The following ZCCHC2 variants were observed in gnomAD, a reference collection of about 807,000 sequenced individuals.
The protein encoded by ZCCHC2 is zinc finger CCHC-type containing 2.
ZCCHC2 carries 39 observed loss-of-function variants against 103.6 expected under a neutral mutation model. The ratio of observed to expected loss-of-function variants is 0.38; its 90% CI spans 0.29 to 0.49. ZCCHC2 has a LOEUF of 0.49. Among genes scored for constraint, ZCCHC2 ranks in the 20% least tolerant of loss-of-function variants. The pLI, the probability that ZCCHC2 is intolerant of heterozygous loss-of-function variation, is 0.96. For synonymous variants in ZCCHC2, 687 were observed against 608.9 expected (o/e 1.13, Z -1.89); for missense variants, 1,483 against 1,491.0 (o/e 0.99, Z 0.09).
At chr18:62,552,184 G>T (rs1448350742) in intron 5 of ZCCHC2, 1 of 152,274 alleles carries the variant, frequency 6.6e-6, no homozygotes, top group Non-Finnish European at 1.5e-5. Context: ...AGCTGTGGAT[G>T]AGCTGCTCAG....
At chr18:62,549,510 T>A (rs187896331) in intron 4 of ZCCHC2, among the ~76,000 whole-genome samples, 1 of 152,374 alleles carries the variant, frequency 6.6e-6, no homozygotes, top group Non-Finnish European at 1.5e-5. Flanking sequence ...ATTTTTGTAT[T>A]CCTGTGGCTT....
chr18:62,529,826 A>G (rs1914605413), intron 1 of ZCCHC2, among the ~76,000 whole-genome samples: 1 of 152,190 alleles, frequency 6.6e-6, no homozygotes, highest in Non-Finnish European at 1.5e-5. Context: ...ATACATACCC[A>G]TGGTTTCTAC....
At position 62,574,410 on chromosome 18, in the gene ZCCHC2, G is replaced by A; in HGVS notation, c.2329G>A (p.Ala777Thr). 1 of 1,614,044 alleles carries A rather than the reference G, an allele frequency of 6.2e-7. No homozygotes were observed. Among genetic ancestry groups the A allele is most frequent in the South Asian group, 1.1e-5 (1 of 91,082 alleles). ...CCCTGTTGGAATACTAGGGCCAACA[G>A]CTTGCACTGGAGAATCGGAAAAGCA... ...STPVGILGPT[A>T]CTGESEKHLE... Residue 777 changes from alanine (A) to threonine (T), a missense_variant, in exon 13 of 14, where the codon GCT becomes ACT. Around this residue, in one of 3 missense-constraint regions of ZCCHC2, gnomAD observed 884 missense variants for 907.5 expected, o/e 0.97. Transcript: ENST00000269499.
intron 5 of ZCCHC2, chr18:62,552,171 C>T (rs571804586): frequency 3.9e-5 from 6 of 152,220 alleles, no homozygotes; most frequent in African/African-American, 1.2e-4. Flanking sequence ...CAGGAGCCCC[C>T]CAAGCTGTGG....
chr18:62,586,142 G>A (rs1917166301), exon 15 of ZCCHC2: 1 of 151,150 alleles, frequency 6.6e-6, no homozygotes, highest in Non-Finnish European at 1.5e-5. Flanking sequence ...TGAATCGTTG[G>A]TAAATTGGTG....
At chr18:62,572,770 G>A (rs555535553) in intron 12 of ZCCHC2, among the ~76,000 whole-genome samples, 66 of 152,262 alleles carry the variant, frequency 4.3e-4, no homozygotes, top group African/African-American at 1.5e-3. Flanking sequence ...GAAATTTAAC[G>A]CACTTCTTCC....
At position 62,523,549 on chromosome 18, in the gene ZCCHC2, G is replaced by GT; in HGVS notation, c.125_126insT (p.Pro45AlafsTer276). 4 of 832,312 alleles carry GT rather than the reference G, an allele frequency of 4.8e-6. No homozygotes were observed. Among genetic ancestry groups the GT allele is most frequent in the Non-Finnish European group, 5.5e-6 (4 of 726,942 alleles). The allele number at this position is 832,312 out of a possible 1,614,324, so 51.6% of individuals were successfully genotyped here. ...CCTTCGCGCCGCCGCCGCGACTGCC[G>GT]CCCCCCGCCGCCGCCGCCGCCGCCC... is the stretch of plus-strand genomic sequence containing the variant. On this transcript the variant is annotated frameshift_variant, in exon 1 of 14. Coordinates refer to ENST00000269499, the MANE Select transcript of ZCCHC2 (RefSeq NM_017742.6). LOFTEE classifies it high-confidence loss of function.
rs185051858 is a variant in ZCCHC2, at chr18:62,523,835, G to A, written c.411G>A (p.Leu137=). The A allele has an allele frequency of 2.4e-4, 370 of 1,544,864 alleles. 3 individuals carry two copies. In the African/African-American group the frequency reaches 4.4e-3, roughly 18 times the overall value. ...TCCTTGGCTCGTGCCTGGAGGACCT[G>A]GCGCGCAAGGACTACCACTACCTGC... ...LRFLGSCLED[L]ARKDYHYLRD... is the part of the protein sequence containing the mutation. Residue 137 remains leucine (L), a synonymous_variant, in exon 1 of 14, where the codon CTG becomes CTA. Coordinates refer to ENST00000269499, the MANE Select transcript of ZCCHC2 (RefSeq NM_017742.6).
intron 13 of ZCCHC2, among the ~76,000 whole-genome samples, chr18:62,576,170 T>G (rs4085472): frequency 6.6e-6 from 1 of 152,156 alleles, no homozygotes; most frequent in South Asian, 2.1e-4. Flanking sequence ...TACCTATGTT[T>G]GAGTAAGATA....
At chr18:62,579,046 G>T (rs1316471737), downstream of ZCCHC2, among the ~76,000 whole-genome samples, 1 of 152,168 alleles carries the variant, frequency 6.6e-6, no homozygotes, top group Non-Finnish European at 1.5e-5. Context: ...GGGATTACAG[G>T]CATGAGCCTC....
In ZCCHC2 at chr18:62,574,665, G is replaced by C; in HGVS notation, c.2584G>C (p.Val862Leu). Residue 862 changes from valine (V) to leucine (L), a missense_variant, in exon 13 of 14, where the codon GTT becomes CTT. By Grantham distance (32) the Val-to-Leu change is conservative. Coordinates refer to ENST00000269499, the MANE Select transcript of ZCCHC2 (RefSeq NM_017742.6). The part of the protein sequence containing the change: ...HNPGSFPGSP[V>L]ATTDPITKSA... ...CCCAGGTAGTTTCCCAGGCTCTCCT[G>C]TTGCTACCACGGACCCCATCACAAA... is the stretch of plus-strand genomic sequence containing the variant. 6.2e-7 allele frequency: 1 copy of C among 1,613,936 alleles called. No individual in the cohort carries two copies. Among genetic ancestry groups the C allele is most frequent in the Non-Finnish European group, 8.5e-7 (1 of 1,179,882 alleles).
chr18:62,525,344 G>GGGA (rs10693684), intron 1 of ZCCHC2: 123,491 of 151,892 alleles, frequency 0.81, 50,895 homozygotes, highest in African/African-American at 0.95. Flanking sequence ...TGGGAAGGTG[G>GGGA]GGAGTAGGTT....
chr18:62,547,393 T>C (rs1258682504), intron 4 of ZCCHC2, among the ~76,000 whole-genome samples: 1 of 151,960 alleles, frequency 6.6e-6, no homozygotes, highest in Non-Finnish European at 1.5e-5. Flanking sequence ...CGAACACCCT[T>C]TTTCTTCTGT....
In ZCCHC2 at chr18:62,575,488, G is replaced by T; in HGVS notation, c.3407G>T (p.Cys1136Phe). ...KKNGNVSCYN[C>F]GVSGHYAQDC... ...AATGGGAATGTCTCATGTTACAATTGTGGTGTAAGCGGACACTATGCACAG... is the reference window on the plus strand; with the variant it reads ...AATGGGAATGTCTCATGTTACAATTTTGGTGTAAGCGGACACTATGCACAG... The change falls in exon 13 of 14, where the codon TGT (cysteine) becomes TTT (phenylalanine). Residue 1136 changes from cysteine (C) to phenylalanine (F), a missense_variant. Cys to Phe is a radical substitution (Grantham distance 205). This residue lies in a region of ZCCHC2 where 884 missense variants were observed against 907.5 expected (regional missense o/e 0.97). Transcript: ENST00000269499. The T allele has an allele frequency of 6.2e-7, 1 of 1,614,044 alleles. No homozygotes were observed. The highest frequency in any genetic ancestry group is 1.1e-5 in the South Asian group (1 of 91,084).
chr18:62,566,146 A>G (rs1057428909), intron 11 of ZCCHC2, among the ~76,000 whole-genome samples: 2 of 152,120 alleles, frequency 1.3e-5, no homozygotes, highest in Non-Finnish European at 2.9e-5. Context: ...TCGGGAGGCT[A>G]AGGCAGGAGA....
chr18:62,554,657 C>T (rs1046295255), intron 5 of ZCCHC2, among the ~76,000 whole-genome samples: 1 of 152,172 alleles, frequency 6.6e-6, no homozygotes, highest in Non-Finnish European at 1.5e-5. Context: ...TTGCCTGGGA[C>T]TCAGGCCTTG....
chr18:62,569,312 C>CT (rs570522704), intron 11 of ZCCHC2, among the ~76,000 whole-genome samples: 461 of 152,252 alleles, frequency 3.0e-3, no homozygotes, highest in Non-Finnish European at 4.9e-3. Flanking sequence ...TACCCATTAT[C>CT]TTTTACTGGT....
chr18:62,578,681 G>T (rs1218203723), downstream of ZCCHC2: 1 of 152,154 alleles, frequency 6.6e-6, no homozygotes, highest in African/African-American at 2.4e-5. Context: ...ATTATTTTGG[G>T]GTTAAGGATC....
Position 62,523,390 on chromosome 18 carries a change from C to T in ZCCHC2, c.-35C>T. On this transcript the variant is annotated 5_prime_UTR_variant, in exon 1 of 14. Coordinates refer to ENST00000269499, the MANE Select transcript of ZCCHC2 (RefSeq NM_017742.6). ...TCCACCTCGCGGCCCCTCCCGCCCGCCCCCGCTCGCATGTCTGCGCCGCCC... is the reference window on the plus strand; with the variant it reads ...TCCACCTCGCGGCCCCTCCCGCCCGTCCCCGCTCGCATGTCTGCGCCGCCC... The T allele has an allele frequency of 3.9e-6, 4 of 1,025,632 alleles. No homozygotes were observed. Among genetic ancestry groups the T allele is most frequent in the Non-Finnish European group, 4.7e-6 (4 of 857,432 alleles). 63.5% of individuals were successfully genotyped at this position (1,025,632 alleles called of 1,614,324 possible).
Sources: allele counts gnomAD v4.1 joint callset (sites outside exome capture counted in the v4.1 genomes callset), GRCh38; gene constraint gnomAD v4.1.1; regional missense constraint gnomAD v4.1.1; transcripts MANE v1.5; gene names NCBI Gene and HGNC (gene_info 2026-07-23, HGNC 2026-07-21).